The following UTS2B variants were observed in gnomAD, a reference collection of about 807,000 sequenced individuals.
UTS2B encodes the protein urotensin-2B.
UTS2B carries 21 observed loss-of-function variants against 19.2 expected under a neutral mutation model. The ratio of observed to expected loss-of-function variants is 1.09; its 90% CI spans 0.78 to 1.58. The LOEUF is 1.58. Ranked by LOEUF, UTS2B falls within the 40% of genes most tolerant of loss-of-function variation. The pLI is 0.00. For synonymous variants in UTS2B, 57 were observed against 50.2 expected (o/e 1.14, Z -0.58); for missense variants, 138 against 130.3 (o/e 1.06, Z -0.29).
intron 3 of UTS2B, among the ~76,000 whole-genome samples, chr3:191,308,093 C>A (rs1284875081): frequency 6.6e-6 from 1 of 152,184 alleles, no homozygotes; most frequent in Non-Finnish European, 1.5e-5. Flanking sequence ...CTTGGCCTCC[C>A]AAAGTGCTGG....
chr3:191,294,966 G>GCTTC (rs1177910007), intron 4 of UTS2B, among the ~76,000 whole-genome samples: 1 of 151,924 alleles, frequency 6.6e-6, no homozygotes, highest in Non-Finnish European at 1.5e-5. Flanking sequence ...GGGAGATTGA[G>GCTTC]CTTCCAGTGA....
intron 3 of UTS2B, among the ~76,000 whole-genome samples, chr3:191,309,236 A>G (rs774166061): frequency 1.3e-5 from 2 of 151,994 alleles, no homozygotes; most frequent in Non-Finnish European, 2.9e-5. Flanking sequence ...ATCTCGGCTC[A>G]CTGCAAGCTC....
At chr3:191,325,269 T>A (rs1717716181) in intron 2 of UTS2B, among the ~76,000 whole-genome samples, 1 of 152,082 alleles carries the variant, frequency 6.6e-6, no homozygotes, top group Non-Finnish European at 1.5e-5. Context: ...TTTGAGGATA[T>A]GAGCTTTAAA....
chr3:191,338,955 A>G, the UTS2B span, among the ~76,000 whole-genome samples: 1 of 152,120 alleles, frequency 6.6e-6, no homozygotes, highest in African/African-American at 2.4e-5. Context: ...AGTTTCTTAG[A>G]TAGTATTGGG....
intron 8 of UTS2B, among the ~76,000 whole-genome samples, chr3:191,270,797 TAGAG>T (rs370334228): frequency 8.1e-4 from 123 of 152,200 alleles, no homozygotes; most frequent in African/African-American, 2.5e-3. Flanking sequence ...CATAGACCCA[TAGAG>T]AGTTGTTTTT....
At chr3:191,307,993 G>T (rs1717190738) in intron 3 of UTS2B, among the ~76,000 whole-genome samples, 1 of 151,920 alleles carries the variant, frequency 6.6e-6, no homozygotes, top group South Asian at 2.1e-4. Context: ...ACTCCACCAT[G>T]TCCGGCTAAC....
In UTS2B at chr3:191,268,457, A is replaced by C. The variant is rs1389966760; in HGVS notation, c.335-16T>G. On this transcript the variant is annotated splice_polypyrimidine_tract_variant and intron_variant, in intron 8 of 8. Transcript: ENST00000340524. Reference sequence around the variant, plus strand: ...CAAAAGCAAGCTAAAGAAGAAAACAAAATACATTTTTTATTAGAAGTATAT... The same window carrying C: ...CAAAAGCAAGCTAAAGAAGAAAACACAATACATTTTTTATTAGAAGTATAT... The C allele has an allele frequency of 2.0e-6, 3 of 1,535,654 alleles. No homozygotes were observed.
chr3:191,324,499 A>C (rs930514487), intron 2 of UTS2B, among the ~76,000 whole-genome samples: 3 of 152,114 alleles, frequency 2.0e-5, no homozygotes, highest in Non-Finnish European at 1.5e-5. Context: ...TTCCCATGCT[A>C]TTCTCCTGAC....
chr3:191,332,188 G>C (rs960063576), upstream of UTS2B, among the ~76,000 whole-genome samples: 41 of 152,158 alleles, frequency 2.7e-4, no homozygotes, highest in African/African-American at 9.2e-4. Context: ...TGACATTAGG[G>C]TAAGGGGATA....
At chr3:191,298,159 T>G (rs1011108596) in intron 4 of UTS2B, among the ~76,000 whole-genome samples, 3 of 152,196 alleles carry the variant, frequency 2.0e-5, no homozygotes, top group Non-Finnish European at 4.4e-5. Context: ...TCTTATACAT[T>G]TAACACCCAA....
At chr3:191,340,020 G>A in the UTS2B span, among the ~76,000 whole-genome samples, 2 of 152,212 alleles carry the variant, frequency 1.3e-5, no homozygotes, top group African/African-American at 4.8e-5. Flanking sequence ...ATAGGCTTCA[G>A]TTATTACATT....
intron 7 of UTS2B, among the ~76,000 whole-genome samples, chr3:191,276,061 A>AT (rs5855366): frequency 0.018 from 2,774 of 152,242 alleles, 83 homozygotes; most frequent in African/African-American, 0.063. Flanking sequence ...GATTTCCTGA[A>AT]TTTTTTGTCT....
intron 3 of UTS2B, among the ~76,000 whole-genome samples, chr3:191,311,548 C>A (rs1261388254): frequency 6.6e-6 from 1 of 152,178 alleles, no homozygotes; most frequent in African/African-American, 2.4e-5. Context: ...CACGCTAACT[C>A]TGCACTTGTA....
At chr3:191,304,330 T>C (rs1317141716) in intron 4 of UTS2B, among the ~76,000 whole-genome samples, 162 bp downstream of exon 4, 1 of 152,220 alleles carries the variant, frequency 6.6e-6, no homozygotes, top group Non-Finnish European at 1.5e-5. Context: ...GAAATAAATA[T>C]GCTGGTTTCC....
At chr3:191,337,798 C>T in the UTS2B span, among the ~76,000 whole-genome samples, 102 of 152,028 alleles carry the variant, frequency 6.7e-4, 3 homozygotes, top group South Asian at 0.02. Context: ...GAGTATCCAA[C>T]AGATTTAACC....
chr3:191,271,342 C>T (rs1716088888), intron 8 of UTS2B, among the ~76,000 whole-genome samples: 1 of 151,978 alleles, frequency 6.6e-6, no homozygotes, highest in Non-Finnish European at 1.5e-5. Context: ...CATTTCTTCC[C>T]TGCTATATTA....
chr3:191,337,879 A>G, the UTS2B span, among the ~76,000 whole-genome samples: 1 of 151,832 alleles, frequency 6.6e-6, no homozygotes, highest in East Asian at 1.9e-4. Context: ...TATTACAGAT[A>G]TTTGTGTGAA....
upstream of UTS2B, among the ~76,000 whole-genome samples, chr3:191,332,113 G>A (rs1718007646): frequency 6.6e-6 from 1 of 152,196 alleles, no homozygotes; most frequent in South Asian, 2.1e-4. Context: ...TTGCTGTTTA[G>A]GAGGGGATGG....
At chr3:191,321,607 C>A (rs1717612623) in intron 2 of UTS2B, among the ~76,000 whole-genome samples, 1 of 152,160 alleles carries the variant, frequency 6.6e-6, no homozygotes, top group South Asian at 2.1e-4. Context: ...TAGTCAGAAC[C>A]CATAGAGGAT....
Sources: gnomAD v4.1 joint callset for allele counts (sites outside exome capture counted in the v4.1 genomes callset) on GRCh38, gnomAD v4.1.1 for gene constraint, MANE v1.5 for transcripts, NCBI Gene and HGNC (gene_info 2026-07-23, HGNC 2026-07-21) for gene names.